EPC2: variants seen among roughly 807,000 people sequenced by gnomAD.
The protein encoded by EPC2 is enhancer of polycomb 2.
Under a neutral mutation model 92.1 loss-of-function variants are expected in EPC2, and 14 were observed. The ratio of observed to expected loss-of-function variants is 0.15; its 90% confidence interval spans 0.10 to 0.24. The LOEUF is 0.24. EPC2 is among the 10% of genes least tolerant of loss of function. The probability of loss-of-function intolerance (pLI) is 1.00; values close to 1 mark genes in which losing one functional copy is unlikely to be tolerated. For synonymous variants in EPC2, 340 were observed against 334.7 expected, an observed-to-expected ratio of 1.02 and a Z score of -0.17; for missense variants, 755 against 971.5, an observed-to-expected ratio of 0.78 and a Z score of 2.96.
At chr2:148,771,510 T>A in intron 10 of EPC2, 123 bp downstream of exon 10, 2 of 923,978 alleles carry the variant, frequency 2.2e-6, no homozygotes, top group South Asian at 1.7e-5. Flanking sequence ...ATTGTTCTGT[T>A]CTGTCTCACA....
chr2:148,746,946 A>C (rs1424587012), intron 3 of EPC2, among the ~76,000 whole-genome samples: 1 of 152,134 alleles, frequency 6.6e-6, no homozygotes, highest in African/African-American at 2.4e-5. Flanking sequence ...TATTCTTGTA[A>C]GTTTTCTAAA....
At chr2:148,761,425 G>A (rs1005709707) in intron 4 of EPC2, among the ~76,000 whole-genome samples, 5 of 152,180 alleles carry the variant, frequency 3.3e-5, no homozygotes, top group African/African-American at 1.2e-4. Context: ...GGACAGAACT[G>A]TTCCTCTCTG....
chr2:148,763,699 C>A (rs1216847361), intron 6 of EPC2, among the ~76,000 whole-genome samples: 1 of 152,162 alleles, frequency 6.6e-6, no homozygotes, highest in Non-Finnish European at 1.5e-5. Context: ...TAATCACAGG[C>A]GTCTAGCCCA....
At chr2:148,667,794 T>C (rs1470915026) in intron 1 of EPC2, among the ~76,000 whole-genome samples, 2 of 152,214 alleles carry the variant, frequency 1.3e-5, no homozygotes, top group Non-Finnish European at 2.9e-5. Context: ...ATTGAAGACA[T>C]TCTTTTGTAG....
At chr2:148,649,281 A>G (rs922519899) in intron 1 of EPC2, among the ~76,000 whole-genome samples, 3 of 152,244 alleles carry the variant, frequency 2.0e-5, no homozygotes, top group Non-Finnish European at 4.4e-5. Flanking sequence ...GCATACAAAC[A>G]TGAAAACAAG....
chr2:148,663,592 ATTTTTTTTTTTTTTT>A (rs56911412), intron 1 of EPC2, among the ~76,000 whole-genome samples: 3 of 74,352 alleles, frequency 4.0e-5, no homozygotes, highest in African/African-American at 1.1e-4. Flanking sequence ...ATAGATTAAG[ATTTTTTTTTTTTTTT>A]TTTTTTTTTT....
chr2:148,652,911 T>G (rs1680715693), intron 1 of EPC2, among the ~76,000 whole-genome samples: 1 of 152,232 alleles, frequency 6.6e-6, no homozygotes, highest in Non-Finnish European at 1.5e-5. Context: ...TACTCATTGC[T>G]GTAAGTATTC....
chr2:148,734,907 A>G (rs1260755554), intron 2 of EPC2, among the ~76,000 whole-genome samples: 1 of 149,040 alleles, frequency 6.7e-6, no homozygotes, highest in Non-Finnish European at 1.5e-5. Flanking sequence ...TTCATGTTCT[A>G]CAGTTTTTTT....
chr2:148,652,937 C>G (rs2105350361), intron 1 of EPC2, among the ~76,000 whole-genome samples: 1 of 152,216 alleles, frequency 6.6e-6, no homozygotes, highest in East Asian at 1.9e-4. Flanking sequence ...TTCAGTAGTA[C>G]TTTTAGTCTT....
At chr2:148,733,622 C>G (rs372363261) in intron 2 of EPC2, among the ~76,000 whole-genome samples, 1 of 150,350 alleles carries the variant, frequency 6.7e-6, no homozygotes, top group African/African-American at 2.4e-5. Flanking sequence ...CTCAGCCTCC[C>G]GGGTAGCTGG....
At chr2:148,690,143 A>G in intron 1 of EPC2, 71 bp from the exon 2 acceptor site, 1 of 1,386,368 alleles carries the variant, frequency 7.2e-7, no homozygotes, top group East Asian at 2.5e-5. Flanking sequence ...AAACAAAGTA[A>G]CTTTTATATA....
At chr2:148,767,843 C>G (rs927324018) in intron 7 of EPC2, among the ~76,000 whole-genome samples, 14 of 152,188 alleles carry the variant, frequency 9.2e-5, no homozygotes, top group African/African-American at 2.2e-4. Context: ...ATTTTATACA[C>G]AGAATTTCTG....
Position 148,784,769 on chromosome 2 carries a change from C to G in EPC2, c.2119C>G (p.His707Asp). ...VRTVGHTTTN[H>D]LIPALCTSSP... ...GACAGTTGGCCACACCACTACAAACCACTTAATCCCAGCATTGTGCACAAG... is the reference window on the plus strand; with the variant it reads ...GACAGTTGGCCACACCACTACAAACGACTTAATCCCAGCATTGTGCACAAG... The change falls in exon 13 of 14, where the codon CAC (histidine) becomes GAC (aspartate). Residue 707 changes from histidine to aspartate, a missense_variant. Physicochemically the swap from His to Asp is moderately conservative, Grantham distance 81 (BLOSUM62 -1). This residue lies in a region of EPC2 where 207 missense variants were observed against 260.5 expected (regional missense o/e 0.79). Transcript: ENST00000258484. The G allele has an allele frequency of 6.2e-7, 1 of 1,614,006 alleles. No homozygotes were observed. Among genetic ancestry groups the G allele is most frequent in the Non-Finnish European group, 8.5e-7 (1 of 1,179,878 alleles).
chr2:148,776,714 G>A (rs1231323815), intron 10 of EPC2, among the ~76,000 whole-genome samples: 1 of 152,040 alleles, frequency 6.6e-6, no homozygotes, highest in African/African-American at 2.4e-5. Flanking sequence ...CTTTGAGAAA[G>A]CATATACCAA....
At chr2:148,732,540 C>T (rs1384236921) in intron 2 of EPC2, among the ~76,000 whole-genome samples, 5 of 151,988 alleles carry the variant, frequency 3.3e-5, no homozygotes, top group Non-Finnish European at 7.4e-5. Context: ...GCTACTGTGC[C>T]CGGCTAATTT....
chr2:148,718,127 T>G (rs1361872103), intron 2 of EPC2, among the ~76,000 whole-genome samples: 6 of 152,206 alleles, frequency 3.9e-5, no homozygotes, highest in African/African-American at 1.4e-4. Flanking sequence ...TTTTGAGTCT[T>G]TGTGTGTCTT....
intron 6 of EPC2, among the ~76,000 whole-genome samples, chr2:148,764,578 G>A (rs183322693): frequency 6.6e-6 from 1 of 152,114 alleles, no homozygotes; most frequent in African/African-American, 2.4e-5. Flanking sequence ...GTAAACTCAT[G>A]ATCCAGTTGA....
chr2:148,662,222 G>A (rs10191836), intron 1 of EPC2, among the ~76,000 whole-genome samples: 1 of 151,628 alleles, frequency 6.6e-6, no homozygotes, highest in Non-Finnish European at 1.5e-5. Flanking sequence ...GTTGGTGGGA[G>A]TGTAAACTAG....
chr2:148,663,339 C>T (rs1210776504), intron 1 of EPC2, among the ~76,000 whole-genome samples: 2 of 150,802 alleles, frequency 1.3e-5, no homozygotes, highest in Non-Finnish European at 3.0e-5. Context: ...CTGCCTCAGC[C>T]TCCCGAGTAG....
Sources: allele counts gnomAD v4.1 joint callset (sites outside exome capture counted in the v4.1 genomes callset), GRCh38; gene constraint gnomAD v4.1.1; regional missense constraint gnomAD v4.1.1; transcripts MANE v1.5; gene names NCBI Gene and HGNC (gene_info 2026-07-23, HGNC 2026-07-21).